SV2C: variants seen among roughly 807,000 people sequenced by gnomAD.
SV2C encodes the protein solute carrier family 22 member B3.
In SV2C, 49 loss-of-function variants were observed where a neutral mutation model predicts 79.7. The observed-to-expected ratio is 0.61, with a 90% CI of 0.49 to 0.78. SV2C has a LOEUF of 0.78. Ranked by LOEUF, SV2C falls within the 30% of genes least tolerant of loss-of-function variation. The pLI, the probability that SV2C is intolerant of heterozygous loss-of-function variation, is 0.00. For missense variants in SV2C, 833 were observed against 912.9 expected (o/e 0.91, Z 1.13); for synonymous variants, 334 against 333.2 (o/e 1.00, Z -0.03).
intron 1 of SV2C, among the ~76,000 whole-genome samples, chr5:76,099,127 A>G (rs1380840713): frequency 6.6e-6 from 1 of 152,188 alleles, no homozygotes; most frequent in African/African-American, 2.4e-5. Flanking sequence ...TTCACTTAAT[A>G]AAAGTCCCAG....
At chr5:76,288,625 C>T (rs1747434482) in intron 6 of SV2C, among the ~76,000 whole-genome samples, 1 of 152,150 alleles carries the variant, frequency 6.6e-6, no homozygotes, top group African/African-American at 2.4e-5. Flanking sequence ...CCTCATTGCC[C>T]TACTTACCTG....
intron 12 of SV2C, among the ~76,000 whole-genome samples, chr5:76,315,940 A>G (rs1022254518): frequency 4.6e-5 from 7 of 152,146 alleles, no homozygotes; most frequent in African/African-American, 1.7e-4. Context: ...GATATTCCCT[A>G]ATGAACACAC....
chr5:76,000,278 C>T, the SV2C span, among the ~76,000 whole-genome samples: 6 of 151,978 alleles, frequency 3.9e-5, no homozygotes, highest in Non-Finnish European at 8.8e-5. Flanking sequence ...ATATTTTTAC[C>T]CTCTCCATGG....
intron 4 of SV2C, among the ~76,000 whole-genome samples, chr5:76,226,830 G>T (rs1745262254): frequency 6.6e-6 from 1 of 152,202 alleles, no homozygotes; most frequent in Non-Finnish European, 1.5e-5. Flanking sequence ...CTCTCTGGGA[G>T]CCTGAATAGG....
intron 4 of SV2C, among the ~76,000 whole-genome samples, chr5:76,270,125 A>G (rs1254651833): frequency 6.6e-6 from 1 of 152,244 alleles, no homozygotes; most frequent in Non-Finnish European, 1.5e-5. Context: ...TGGATGGGCA[A>G]AAGTGGATTG....
At chr5:75,861,928 C>A in the SV2C span, among the ~76,000 whole-genome samples, 1 of 152,118 alleles carries the variant, frequency 6.6e-6, no homozygotes. Flanking sequence ...ATGCAATATA[C>A]CTATGTAACA....
chr5:75,868,013 A>G, the SV2C span, among the ~76,000 whole-genome samples: 1 of 152,226 alleles, frequency 6.6e-6, no homozygotes, highest in Non-Finnish European at 1.5e-5. Flanking sequence ...ATGAAAAGGG[A>G]TGAGAGTTAT....
At chr5:76,339,496 C>T (rs1343270361) in intron 12 of SV2C, among the ~76,000 whole-genome samples, 2 of 152,002 alleles carry the variant, frequency 1.3e-5, no homozygotes, top group South Asian at 2.1e-4. Context: ...GGGCGGATCA[C>T]GAGGTCAGGA....
At chr5:76,285,642 G>A in intron 5 of SV2C, 139 bp from the exon 6 acceptor site, 1 of 682,476 alleles carries the variant, frequency 1.5e-6, no homozygotes, top group African/African-American at 1.8e-5. Context: ...CAAATAGTCT[G>A]TATGTTCCAA....
At chr5:76,030,265 T>A in the SV2C span, among the ~76,000 whole-genome samples, 11 of 91,752 alleles carry the variant, frequency 1.2e-4, no homozygotes, top group Non-Finnish European at 2.5e-4. Context: ...GTCAGAGGCT[T>A]GTTTTTTTTT....
intron 1 of SV2C, among the ~76,000 whole-genome samples, chr5:76,110,441 T>C (rs1748063543): frequency 6.6e-6 from 1 of 152,224 alleles, no homozygotes; most frequent in Admixed American, 6.5e-5. Flanking sequence ...TGCATTTTCA[T>C]ATGAAGTTAG....
chr5:76,229,772 C>T (rs1340146029), intron 4 of SV2C, among the ~76,000 whole-genome samples: 1 of 152,164 alleles, frequency 6.6e-6, no homozygotes. Flanking sequence ...GGCTGGACCT[C>T]AATAACTGAG....
chr5:75,903,681 C>A, the SV2C span, among the ~76,000 whole-genome samples: 2 of 152,178 alleles, frequency 1.3e-5, no homozygotes, highest in Non-Finnish European at 1.5e-5. Flanking sequence ...GTTCTCACAG[C>A]TCAGATTATG....
chr5:76,054,942 G>A, the SV2C span, among the ~76,000 whole-genome samples: 1 of 152,082 alleles, frequency 6.6e-6, no homozygotes, highest in East Asian at 1.9e-4. Context: ...CACCCATTCT[G>A]TAGGTTGCCT....
rs143827125 is a variant in SV2C at position 76,094,594 on chromosome 5, C to G, written c.-102+11082C>G. 3.5e-4 allele frequency among the ~76,000 whole-genome samples: 54 copies of G among 152,210 alleles called. No individual in the cohort carries two copies. The East Asian group carries it at 0.01, about 28-fold the overall frequency. On this transcript the variant is annotated intron_variant, in intron 1 of 12. Transcript: ENST00000502798. ...TTGGTAGATGTTTGAGTTGTTTCCA[C>G]ATTGGAGCTATTATCAATAAAGTAT... is the stretch of plus-strand genomic sequence containing the variant.
At chr5:75,881,418 A>G in the SV2C span, among the ~76,000 whole-genome samples, 3,708 of 152,298 alleles carry the variant, frequency 0.024, 145 homozygotes, top group African/African-American at 0.085. Flanking sequence ...TAGGATACTT[A>G]TTAAATCTTT....
the SV2C span, among the ~76,000 whole-genome samples, chr5:75,940,686 A>T: frequency 6.6e-6 from 1 of 152,172 alleles, no homozygotes; most frequent in Non-Finnish European, 1.5e-5. Context: ...AAATCGATGA[A>T]AGAGAATTAG....
At chr5:75,854,454 T>G in the SV2C span, among the ~76,000 whole-genome samples, 1 of 152,312 alleles carries the variant, frequency 6.6e-6, no homozygotes, top group African/African-American at 2.4e-5. Flanking sequence ...TTTCATTGTG[T>G]ATTTCTTTAA....
intron 4 of SV2C, among the ~76,000 whole-genome samples, chr5:76,247,684 G>A (rs1306523313): frequency 6.6e-6 from 1 of 152,134 alleles, no homozygotes; most frequent in Non-Finnish European, 1.5e-5. Flanking sequence ...ACAATCTATT[G>A]GGAAGAAAAT....
Sources: gnomAD v4.1 joint callset for allele counts (sites outside exome capture counted in the v4.1 genomes callset) on GRCh38, gnomAD v4.1.1 for gene constraint, MANE v1.5 for transcripts, NCBI Gene and HGNC (gene_info 2026-07-23, HGNC 2026-07-21) for gene names.